Variants in TRIQK observed in about 807,000 individuals in gnomAD.
TRIQK encodes the protein triple QxxK/R motif-containing protein.
A neutral mutation model predicts 10.8 loss-of-function variants in TRIQK; 10 were observed. That is an observed-to-expected ratio of 0.92 (90% CI 0.57 to 1.57). The LOEUF (loss-of-function observed/expected upper bound fraction) is 1.57. TRIQK is among the 40% of genes most tolerant of loss of function. The pLI is 0.00. For missense variants in TRIQK, 107 were observed against 97.7 expected (o/e 1.09, Z -0.40); for synonymous variants, 33 against 33.7 (o/e 0.98, Z 0.07).
chr8:92,988,431 T>A (rs1271950798), intron 1 of TRIQK, among the ~76,000 whole-genome samples: 1 of 152,198 alleles, frequency 6.6e-6, no homozygotes, highest in African/African-American at 2.4e-5. Context: ...TATGTGTGTG[T>A]TTACATTTTA....
At chr8:92,890,381 G>A (rs1005717345) in intron 4 of TRIQK, among the ~76,000 whole-genome samples, 1 of 151,678 alleles carries the variant, frequency 6.6e-6, no homozygotes, top group African/African-American at 2.4e-5. Context: ...AAGGAGCTAT[G>A]TTCTGCTGTC....
intron 1 of TRIQK, among the ~76,000 whole-genome samples, chr8:93,005,982 T>C (rs7835941): frequency 0.25 from 36,366 of 143,670 alleles, 5,344 homozygotes; most frequent in African/African-American, 0.43. Flanking sequence ...AATCAATATA[T>C]AAAAACCAGT....
rs1816343027 is a variant in TRIQK, at chr8:92,884,069, A to C, written c.*2553T>G. 1.3e-5 allele frequency: 2 copies of C among 151,806 alleles called. No homozygotes were observed. The allele number at this position is 151,806 out of a possible 1,614,324, so 9.4% of individuals were successfully genotyped here. ...AGAGTATGTTAACAAACATATTCTA[A>C]CACTTAAAAAATCATTACAATTTTT... On this transcript the variant is annotated 3_prime_UTR_variant, in exon 5 of 5. Coordinates refer to ENST00000521988, the MANE Select transcript of TRIQK (RefSeq NM_001171797.2).
intron 4 of TRIQK, among the ~76,000 whole-genome samples, chr8:92,887,336 C>T (rs1290470695): frequency 1.3e-5 from 2 of 151,410 alleles, no homozygotes; most frequent in Non-Finnish European, 3.0e-5. Context: ...ACTCTTCACT[C>T]ATGAAGCATA....
At chr8:93,011,205 C>CACACACAT (rs769949767) in intron 1 of TRIQK, among the ~76,000 whole-genome samples, 3 of 121,520 alleles carry the variant, frequency 2.5e-5, no homozygotes, top group African/African-American at 8.7e-5. Context: ...CACACACACA[C>CACACACAT]ATATATATAT....
At chr8:92,949,288 CT>C (rs1340356592) in intron 2 of TRIQK, among the ~76,000 whole-genome samples, 1 of 152,052 alleles carries the variant, frequency 6.6e-6, no homozygotes, top group African/African-American at 2.4e-5. Flanking sequence ...TACTTGTTTC[CT>C]TTCTGATTTT....
intron 3 of TRIQK, among the ~76,000 whole-genome samples, chr8:92,901,375 GTGGGTC>G (rs1808928842): frequency 2.6e-5 from 4 of 152,120 alleles, no homozygotes; most frequent in Admixed American, 2.6e-4. Flanking sequence ...GATACTAGCT[GTGGGTC>G]TGTCATATAT....
At chr8:92,957,217 T>C (rs907543988) in intron 1 of TRIQK, among the ~76,000 whole-genome samples, 1 of 151,844 alleles carries the variant, frequency 6.6e-6, no homozygotes, top group African/African-American at 2.4e-5. Context: ...TTTTTACATA[T>C]ACATACATGT....
intron 3 of TRIQK, among the ~76,000 whole-genome samples, chr8:92,905,728 A>G (rs1176965303): frequency 6.6e-6 from 1 of 152,212 alleles, no homozygotes; most frequent in African/African-American, 2.4e-5. Flanking sequence ...GGTAGATTCA[A>G]TGGAATCTGA....
chr8:92,886,035 T>G lies in TRIQK; in HGVS notation c.*587A>C, dbSNP rs1816457698. ...TAGAGACATATGTGACTCTTTGAGC[T>G]TCTGTCATCCAGGTGCCATTTCTGA... On this transcript the variant is annotated 3_prime_UTR_variant, in exon 5 of 5. Coordinates refer to ENST00000521988, the MANE Select transcript of TRIQK (RefSeq NM_001171797.2). The G allele has an allele frequency of 6.6e-6, 1 of 151,712 alleles. No homozygotes were observed. Among genetic ancestry groups the G allele is most frequent in the African/African-American group, 2.4e-5 (1 of 41,364 alleles). The allele number at this position is 151,712 out of a possible 1,614,324, so 9.4% of individuals were successfully genotyped here.
chr8:92,884,192 C>G lies in TRIQK; in HGVS notation c.*2430G>C, dbSNP rs910991744. 2.6e-5 allele frequency: 4 copies of G among 151,786 alleles called. No homozygotes were observed. The highest frequency in any genetic ancestry group is 5.9e-5 in the Non-Finnish European group (4 of 67,874). 9.4% of individuals were successfully genotyped at this position (151,786 alleles called of 1,614,324 possible). A position where few individuals can be genotyped will look rare whatever the true frequency, so the allele number is the denominator to read the frequency against. On this transcript the variant is annotated 3_prime_UTR_variant, in exon 5 of 5. Coordinates refer to ENST00000521988, the MANE Select transcript of TRIQK (RefSeq NM_001171797.2). ...TCTGGTGCCAGTCTCAGATTTCTGC[C>G]AAACACCAGTAGGTATTCAAAAGTG...
chr8:92,924,950 T>A (rs937529279), intron 2 of TRIQK, among the ~76,000 whole-genome samples: 8 of 152,026 alleles, frequency 5.3e-5, no homozygotes, highest in African/African-American at 1.9e-4. Context: ...CTTTATAGCC[T>A]CAGAAAAAGT....
chr8:93,017,220 T>C (rs551212963), intron 1 of TRIQK, among the ~76,000 whole-genome samples: 60 of 129,506 alleles, frequency 4.6e-4, no homozygotes, highest in African/African-American at 1.8e-3. Context: ...CTGGGGAGAG[T>C]GGAAGATAAA....
chr8:92,901,798 G>GT (rs1415956853), intron 3 of TRIQK, among the ~76,000 whole-genome samples: 3 of 151,778 alleles, frequency 2.0e-5, no homozygotes, highest in African/African-American at 4.8e-5. Flanking sequence ...CCTATTTTTT[G>GT]AAAGTTTGAG....
At chr8:92,968,931 T>C (rs1258330890), upstream of TRIQK, among the ~76,000 whole-genome samples, 1 of 152,218 alleles carries the variant, frequency 6.6e-6, no homozygotes, top group Non-Finnish European at 1.5e-5. Context: ...TTTATGGTTT[T>C]AGGTCTTACG....
chr8:92,993,014 G>A (rs1403309227), intron 1 of TRIQK, among the ~76,000 whole-genome samples: 1 of 152,064 alleles, frequency 6.6e-6, no homozygotes, highest in African/African-American at 2.4e-5. Context: ...CAATCAAAGA[G>A]GTCAAAAGGA....
chr8:93,001,702 A>G lies in TRIQK; in HGVS notation c.-181+15907T>C, dbSNP rs1183722459. On this transcript the variant is annotated intron_variant, in intron 1 of 4. Coordinates refer to the TRIQK transcript ENST00000520686. ...TAGAAGAATAGTAGGGGACTTCAAT[A>G]TACCACTTTCAAAGGTGGACAGGTC... Among the ~76,000 whole-genome samples the G allele has an allele frequency of 2.0e-5, 3 of 152,250 alleles. No homozygotes were observed. The East Asian group carries it at 5.8e-4, about 29-fold the overall frequency.
intron 1 of TRIQK, among the ~76,000 whole-genome samples, chr8:92,991,940 C>T (rs561972764): frequency 6.6e-6 from 1 of 152,206 alleles, no homozygotes; most frequent in Non-Finnish European, 1.5e-5. Context: ...AGGAATGCAA[C>T]TTACAAGGGA....
At chr8:92,923,224 G>A (rs1258501123) in intron 2 of TRIQK, among the ~76,000 whole-genome samples, 1 of 151,204 alleles carries the variant, frequency 6.6e-6, no homozygotes, top group Non-Finnish European at 1.5e-5. Flanking sequence ...CATTTCTATT[G>A]CTTTGATGGT....
Sources: allele counts gnomAD v4.1 joint callset (sites outside exome capture counted in the v4.1 genomes callset), GRCh38; gene constraint gnomAD v4.1.1; transcripts MANE v1.5; gene names NCBI Gene and HGNC (gene_info 2026-07-23, HGNC 2026-07-21).